The following ADCK1 variants were observed in gnomAD, a reference collection of about 807,000 sequenced individuals.
The protein encoded by ADCK1 is aarF domain containing kinase 1.
In ADCK1, 41 loss-of-function variants were observed where a neutral mutation model predicts 52.3. The ratio of observed to expected loss-of-function variants is 0.78; its 90% CI spans 0.61 to 1.02. The LOEUF (loss-of-function observed/expected upper bound fraction) is 1.02, where lower values mean the gene tolerates loss of function less well. Ranked by LOEUF, ADCK1 falls within the 50% of genes least tolerant of loss-of-function variation. ADCK1 has a pLI of 0.00. For missense variants in ADCK1, 658 were observed against 679.5 expected (o/e 0.97, Z 0.35); for synonymous variants, 250 against 274.6 (o/e 0.91, Z 0.89).
chr14:77,907,713 C>T, intron 6 of ADCK1, 90 bp from the exon 7 acceptor site: 2 of 934,760 alleles, frequency 2.1e-6, no homozygotes, highest in East Asian at 2.7e-5. Flanking sequence ...GGAGGAGCCT[C>T]TGTTGCTGTC....
chr14:77,901,938 T>C (rs1327461295), intron 6 of ADCK1, among the ~76,000 whole-genome samples: 6 of 152,122 alleles, frequency 3.9e-5, no homozygotes, highest in Middle Eastern at 3.2e-3. Context: ...GCCTGGAGAA[T>C]GCACGAGAGG....
intron 1 of ADCK1, among the ~76,000 whole-genome samples, chr14:77,814,717 A>AAAG (rs2081407278): frequency 6.6e-6 from 1 of 150,560 alleles, no homozygotes; most frequent in African/African-American, 2.4e-5. Flanking sequence ...AAAAAAAAAA[A>AAAG]AAGAAGAAAA....
At chr14:77,932,309 A>C (rs918924920) in intron 10 of ADCK1, among the ~76,000 whole-genome samples, 1 of 152,120 alleles carries the variant, frequency 6.6e-6, no homozygotes, top group African/African-American at 2.4e-5. Context: ...TTGGCCTCCC[A>C]AAGTCCTGGG....
intron 4 of ADCK1, among the ~76,000 whole-genome samples, chr14:77,874,098 C>G (rs1372106581): frequency 1.3e-5 from 2 of 152,164 alleles, no homozygotes; most frequent in East Asian, 3.9e-4. Flanking sequence ...GCCCCCCATC[C>G]CCGTACTCTT....
chr14:77,929,476 C>T (rs146782362), intron 9 of ADCK1, among the ~76,000 whole-genome samples: 32 of 152,284 alleles, frequency 2.1e-4, no homozygotes, highest in African/African-American at 6.5e-4. Context: ...TTAGAAGTGC[C>T]GGCCTCCCTC....
Position 77,822,533 on chromosome 14 carries a change from G to A in ADCK1, c.219+15G>A. ...TGAGATCTAAGGTAAGTAACCCATG[G>A]GACCCATCTGAGCCAGGCCAGGACT... On this transcript the variant is annotated intron_variant, in intron 3 of 10. Coordinates refer to ENST00000238561, the MANE Select transcript of ADCK1 (RefSeq NM_020421.4). 6.2e-7 allele frequency: 1 copy of A among 1,603,148 alleles called. No individual in the cohort carries two copies. The highest frequency in any genetic ancestry group is 8.5e-7 in the Non-Finnish European group (1 of 1,170,012).
At chr14:77,822,310 G>A in intron 2 of ADCK1, 125 bp from the exon 3 acceptor site, 2 of 722,432 alleles carry the variant, frequency 2.8e-6, no homozygotes, top group South Asian at 3.3e-5. Flanking sequence ...AGGCATCTTA[G>A]GGGTGGGACT....
intron 7 of ADCK1, among the ~76,000 whole-genome samples, chr14:77,912,623 T>C (rs934185841): frequency 6.6e-6 from 1 of 151,718 alleles, no homozygotes; most frequent in Non-Finnish European, 1.5e-5. Context: ...GGGAGGGAGG[T>C]ACAAGGGCTA....
chr14:77,858,080 G>A (rs2082460512), intron 3 of ADCK1, among the ~76,000 whole-genome samples: 1 of 152,152 alleles, frequency 6.6e-6, no homozygotes, highest in Non-Finnish European at 1.5e-5. Flanking sequence ...AGGCTACTCT[G>A]TCCTAGGCAA....
intron 5 of ADCK1, among the ~76,000 whole-genome samples, chr14:77,893,450 C>T (rs996953899): frequency 6.6e-6 from 1 of 152,054 alleles, no homozygotes; most frequent in Non-Finnish European, 1.5e-5. Flanking sequence ...GTTATTTCTC[C>T]AGCTTCTGAA....
At chr14:77,880,054 C>T (rs546373357) in intron 4 of ADCK1, among the ~76,000 whole-genome samples, 1 of 152,334 alleles carries the variant, frequency 6.6e-6, no homozygotes, top group South Asian at 2.1e-4. Context: ...CTGGAATCAC[C>T]AAGCCTTACA....
chr14:77,913,242 A>G (rs1204807907), intron 7 of ADCK1, among the ~76,000 whole-genome samples: 1 of 152,134 alleles, frequency 6.6e-6, no homozygotes, highest in Non-Finnish European at 1.5e-5. Flanking sequence ...TCAGACACTC[A>G]CTGAAGTTCA....
At chr14:77,903,642 C>G (rs532201395) in intron 6 of ADCK1, among the ~76,000 whole-genome samples, 2 of 152,194 alleles carry the variant, frequency 1.3e-5, no homozygotes, top group South Asian at 2.1e-4. Context: ...AGGGGAGAAG[C>G]TTTATAACCA....
rs2082200475 is a variant in ADCK1 at position 77,847,732 on chromosome 14, G to A, written c.220-11344G>A. Among the ~76,000 whole-genome samples, 3 of 152,194 alleles carry A rather than the reference G, an allele frequency of 2.0e-5. No individual in the cohort carries two copies. In the South Asian group the frequency reaches 6.2e-4, roughly 32 times the overall value. On this transcript the variant is annotated intron_variant, in intron 3 of 10. Transcript: ENST00000238561. ...TTGGGCTGCACAGTCCTCTAGTGTGGCCCAGTTGCTGTCATCAGAGACCCC... is the reference window on the plus strand; with the variant it reads ...TTGGGCTGCACAGTCCTCTAGTGTGACCCAGTTGCTGTCATCAGAGACCCC...
chr14:77,807,232 T>C (rs373987750), intron 1 of ADCK1, among the ~76,000 whole-genome samples: 4,281 of 116,926 alleles, frequency 0.037, 188 homozygotes, highest in African/African-American at 0.12. Flanking sequence ...CCACGCCCGG[T>C]TAATTTTTTG....
At chr14:77,878,077 AT>A (rs2082938394) in intron 4 of ADCK1, among the ~76,000 whole-genome samples, 1 of 152,128 alleles carries the variant, frequency 6.6e-6, no homozygotes, top group African/African-American at 2.4e-5. Context: ...AGAGTTGGCC[AT>A]TTTACTTTTA....
intron 3 of ADCK1, among the ~76,000 whole-genome samples, chr14:77,835,514 T>C (rs11159294): frequency 0.4 from 60,757 of 152,070 alleles, 12,627 homozygotes; most frequent in Admixed American, 0.52. Context: ...TGTCTGTCAT[T>C]AAGGTGGGAA....
intron 5 of ADCK1, among the ~76,000 whole-genome samples, chr14:77,896,887 C>T (rs189275332): frequency 9.8e-5 from 15 of 152,326 alleles, no homozygotes; most frequent in African/African-American, 2.6e-4. Context: ...CATGATAACA[C>T]GGTGCGATGA....
At chr14:77,894,182 A>G (rs1038606852) in intron 5 of ADCK1, among the ~76,000 whole-genome samples, 1 of 152,208 alleles carries the variant, frequency 6.6e-6, no homozygotes, top group Admixed American at 6.5e-5. Context: ...ACTTCTCTTC[A>G]CCCTATAAAT....
Sources: gnomAD v4.1 joint callset for allele counts (sites outside exome capture counted in the v4.1 genomes callset) on GRCh38, gnomAD v4.1.1 for gene constraint, MANE v1.5 for transcripts, NCBI Gene and HGNC (gene_info 2026-07-23, HGNC 2026-07-21) for gene names.